The following GDPD1 variants were observed in gnomAD, a reference collection of about 807,000 sequenced individuals.
GDPD1 encodes lysophospholipase D GDPD1.
In GDPD1, 28 loss-of-function variants were observed where a neutral mutation model predicts 45.1. The observed-to-expected ratio is 0.62, with a 90% CI of 0.46 to 0.85. GDPD1 has a LOEUF of 0.85. Among genes scored for constraint, GDPD1 ranks in the 40% least tolerant of loss-of-function variants. The probability of loss-of-function intolerance (pLI) is 0.00; values close to 1 mark genes in which losing one functional copy is unlikely to be tolerated. For missense variants in GDPD1, 256 were observed against 364.8 expected, an observed-to-expected ratio of 0.70 and a Z score of 2.43; for synonymous variants, 139 against 131.4, an observed-to-expected ratio of 1.06 and a Z score of -0.40.
intron 6 of GDPD1, among the ~76,000 whole-genome samples, chr17:59,259,697 C>T (rs1023976273): frequency 1.8e-4 from 26 of 146,406 alleles, no homozygotes; most frequent in African/African-American, 3.5e-4. Flanking sequence ...TGCAGTGAGC[C>T]GAGATGTCAC....
At chr17:59,237,038 A>C (rs1568340484) in intron 2 of GDPD1, among the ~76,000 whole-genome samples, 1 of 152,252 alleles carries the variant, frequency 6.6e-6, no homozygotes, top group East Asian at 1.9e-4. Flanking sequence ...GGAAACTTAG[A>C]AGGTTTTTTT....
chr17:59,275,400 T>C lies in GDPD1; in HGVS notation c.*1627T>C. 2.2e-6 allele frequency: 1 copy of C among 459,090 alleles called. No homozygotes were observed. Among genetic ancestry groups the C allele is most frequent in the Non-Finnish European group, 3.9e-6 (1 of 254,104 alleles). The allele number at this position is 459,090 out of a possible 1,614,324, so 28.4% of individuals were successfully genotyped here. A position where few individuals can be genotyped will look rare whatever the true frequency, so the allele number is the denominator to read the frequency against. On this transcript the variant is annotated 3_prime_UTR_variant, in exon 10 of 10. Coordinates refer to ENST00000284116, the MANE Select transcript of GDPD1 (RefSeq NM_182569.4). ...AATGGAACATTCTATTTGAGACCTT[T>C]TTCAGGTGTGTAGCAATTCTACCAT...
At chr17:59,272,867 C>G (rs1235183273) in intron 9 of GDPD1, 31 bp downstream of exon 9, 1 of 1,613,588 alleles carries the variant, frequency 6.2e-7, no homozygotes, top group South Asian at 1.1e-5. Flanking sequence ...ATTTTGGAAG[C>G]AGCATAGCTC....
intron 3 of GDPD1, among the ~76,000 whole-genome samples, chr17:59,246,271 A>G (rs1425141915): frequency 6.6e-6 from 1 of 152,042 alleles, no homozygotes; most frequent in African/African-American, 2.4e-5. Flanking sequence ...TGTTTTTTAG[A>G]TTTGTATTCT....
At chr17:59,244,407 A>G (rs978920140) in intron 2 of GDPD1, among the ~76,000 whole-genome samples, 1 of 152,184 alleles carries the variant, frequency 6.6e-6, no homozygotes, top group Non-Finnish European at 1.5e-5. Context: ...CATGTTGGCC[A>G]GGATAGTTTC....
intron 2 of GDPD1, among the ~76,000 whole-genome samples, chr17:59,245,156 T>C (rs150302149): frequency 6.6e-6 from 1 of 152,324 alleles, no homozygotes; most frequent in Admixed American, 6.5e-5. Context: ...ATCTCTTAAC[T>C]TCAGATTCAG....
At chr17:59,250,565 A>G (rs569877511) in intron 4 of GDPD1, among the ~76,000 whole-genome samples, 8 of 146,610 alleles carry the variant, frequency 5.5e-5, no homozygotes, top group Admixed American at 3.5e-4. Flanking sequence ...ACAGTGAGCT[A>G]TGCTCACACC....
intron 7 of GDPD1, among the ~76,000 whole-genome samples, chr17:59,268,578 C>CAAAAAAAAAA (rs1176390251): frequency 5.7e-5 from 2 of 35,340 alleles, no homozygotes; most frequent in East Asian, 9.3e-4. Context: ...GACTCTGTCT[C>CAAAAAAAAAA]AAAAAAAAAA....
At chr17:59,268,917 G>C (rs957866923) in intron 7 of GDPD1, among the ~76,000 whole-genome samples, 1 of 151,558 alleles carries the variant, frequency 6.6e-6, no homozygotes, top group African/African-American at 2.4e-5. Context: ...CTGAACACGG[G>C]GGGCAGAAGT....
chr17:59,255,815 GTATATATATATACGCGTA>G (rs1384364133), intron 4 of GDPD1, among the ~76,000 whole-genome samples: 14 of 49,158 alleles, frequency 2.8e-4, no homozygotes, highest in South Asian at 6.0e-4. Context: ...ATATATACGC[GTATATATATATACGCGTA>G]TATATATATA....
At chr17:59,251,897 C>G (rs9890903) in intron 4 of GDPD1, among the ~76,000 whole-genome samples, 67,064 of 149,730 alleles carry the variant, frequency 0.45, 16,963 homozygotes, top group African/African-American at 0.7. Flanking sequence ...TGTGGGCCTA[C>G]CTAGGGAGGC....
At chr17:59,226,069 T>C (rs1317040383) in intron 1 of GDPD1, among the ~76,000 whole-genome samples, 1 of 152,170 alleles carries the variant, frequency 6.6e-6, no homozygotes, top group Non-Finnish European at 1.5e-5. Context: ...TTTACTATCA[T>C]TATTTTGATG....
Position 59,255,771 on chromosome 17 carries a change from ATATATATATATATACGCGTATATATG to A in GDPD1, c.368-1325_368-1300del, listed in dbSNP as rs2047294946. Among the ~76,000 whole-genome samples, 13 of 82,742 alleles carry A rather than the reference ATATATATATATATACGCGTATATATG, an allele frequency of 1.6e-4. No homozygotes were observed. In the South Asian group the frequency reaches 4.9e-3, roughly 31 times the overall value. The allele number at this position is 82,742 out of a possible 152,430, so 54.3% of individuals were successfully genotyped here. ...AAAAAAAAAAAAAAAAAATATATAT[ATATATATATATATACGCGTATATATG>A]TATATATATATATACGCGTATATAT... On this transcript the variant is annotated intron_variant, in intron 4 of 9. Coordinates refer to ENST00000284116, the MANE Select transcript of GDPD1 (RefSeq NM_182569.4).
In GDPD1 at chr17:59,257,778, C is replaced by G. The variant is rs1469426405; in HGVS notation, c.514C>G (p.Arg172Gly). 1 of 1,606,054 alleles carries G rather than the reference C, an allele frequency of 6.2e-7. No homozygotes were observed. The highest frequency in any genetic ancestry group is 8.5e-7 in the Non-Finnish European group (1 of 1,177,024). Residue 172 changes from arginine (R) to glycine (G), a missense_variant, in exon 6 of 10, where the codon CGA (arginine) becomes GGA (glycine). By Grantham distance (125) the Arg-to-Gly change is moderately radical (BLOSUM62 -2). Coordinates refer to ENST00000284116, the MANE Select transcript of GDPD1 (RefSeq NM_182569.4). ...TTCAGAGTTGGTGAAGCGGTATAAT[C>G]GAGAACACTTAACAGTGTGGGGTAA... is the stretch of plus-strand genomic sequence containing the variant. ...KVSELVKRYNREHLTVWGNAN... is the reference protein window; with the variant it reads ...KVSELVKRYNGEHLTVWGNAN...
intron 2 of GDPD1, among the ~76,000 whole-genome samples, chr17:59,241,920 C>T (rs751973391): frequency 1.3e-5 from 2 of 151,594 alleles, no homozygotes; most frequent in African/African-American, 4.8e-5. Context: ...AAGAGCAAAA[C>T]TCCGTCTGAA....
chr17:59,269,178 T>A (rs2047424889), intron 7 of GDPD1, among the ~76,000 whole-genome samples: 1 of 151,872 alleles, frequency 6.6e-6, no homozygotes, highest in Admixed American at 6.6e-5. Flanking sequence ...ACACCTGTAA[T>A]CTCAGTTACT....
At chr17:59,233,061 T>C (rs1365917288) in intron 1 of GDPD1, among the ~76,000 whole-genome samples, 1 of 151,434 alleles carries the variant, frequency 6.6e-6, no homozygotes, top group African/African-American at 2.4e-5. Context: ...ACTAAAAGTA[T>C]AAAAATTAGC....
At chr17:59,230,319 G>A (rs1025888397) in intron 1 of GDPD1, among the ~76,000 whole-genome samples, 2 of 148,824 alleles carry the variant, frequency 1.3e-5, no homozygotes, top group African/African-American at 2.5e-5. Flanking sequence ...GATCTCAAGC[G>A]ATGAAGTTAA....
chr17:59,255,649 A>G (rs1326865533), intron 4 of GDPD1, among the ~76,000 whole-genome samples: 2 of 144,972 alleles, frequency 1.4e-5, no homozygotes, highest in Non-Finnish European at 3.0e-5. Flanking sequence ...AGGCTGAGGC[A>G]GGAGAATCAC....
Sources: gnomAD v4.1 joint callset for allele counts (sites outside exome capture counted in the v4.1 genomes callset) on GRCh38, gnomAD v4.1.1 for gene constraint, MANE v1.5 for transcripts, NCBI Gene and HGNC (gene_info 2026-07-23, HGNC 2026-07-21) for gene names.